Variants in LRP1 observed in about 807,000 individuals in gnomAD.
LRP1 encodes the protein prolow-density lipoprotein receptor-related protein 1.
In LRP1, 51 loss-of-function variants were observed where a neutral mutation model predicts 541.5. The ratio of observed to expected loss-of-function variants is 0.09; its 90% CI spans 0.08 to 0.12. LRP1 has a LOEUF of 0.12. Among genes scored for constraint, LRP1 ranks in the 10% least tolerant of loss-of-function variants. The probability of loss-of-function intolerance (pLI) is 1.00; values close to 1 mark genes in which losing one functional copy is unlikely to be tolerated. For missense variants in LRP1, 3,878 were observed against 6,376.2 expected (o/e 0.61, Z 13.34); for synonymous variants, 2,219 against 2,470.8 (o/e 0.90, Z 3.02).
In LRP1 at chr12:57,173,040, G is replaced by A. The variant is rs1592630291; in HGVS notation, c.3164-128G>A. ...TTCCAAGGAGTGTCAGCAAAGCTTG[G>A]CAGACTCTCCAGGCCTGCCTCTGCT... On this transcript the variant is annotated intron_variant, in intron 20 of 88. Transcript: ENST00000243077. The surrounding 1 kb of genome is among the most constrained non-coding windows in gnomAD (Gnocchi z 4.7). 2 of 702,014 alleles carry A rather than the reference G, an allele frequency of 2.8e-6. No homozygotes were observed. The highest frequency in any genetic ancestry group is 4.6e-6 in the Non-Finnish European group (2 of 434,094). 43.5% of individuals were successfully genotyped at this position (702,014 alleles called of 1,614,324 possible).
In LRP1 at chr12:57,184,402, C is replaced by T; in HGVS notation, c.6136C>T (p.Leu2046=). The T allele has an allele frequency of 6.2e-7, 1 of 1,614,244 alleles. No individual in the cohort carries two copies. The highest frequency in any genetic ancestry group is 8.5e-7 in the Non-Finnish European group (1 of 1,180,040). The change falls in exon 38 of 89, where the codon CTG becomes TTG. Residue 2046 remains leucine, a synonymous_variant. Transcript: ENST00000243077. This position sits in a 1 kb window ranked among gnomAD's most constrained non-coding sequence, Gnocchi z 7.8. ...SRLDGTERVV[L]VNVSISWPNG... is the part of the protein sequence containing the mutation. ...GCTAGATGGCACGGAGCGTGTGGTG[C>T]TGGTCAACGTCAGCATCAGCTGGCC... is the stretch of plus-strand genomic sequence containing the variant.
chr12:57,207,430 G>C (rs1258795342), intron 76 of LRP1, among the ~76,000 whole-genome samples: 1 of 151,920 alleles, frequency 6.6e-6, no homozygotes, highest in African/African-American at 2.4e-5. Flanking sequence ...AACCCAGAAG[G>C]TGGAAGTTGC....
chr12:57,206,457 C>CCAG lies in LRP1; in HGVS notation c.11591-15_11591-14insAGC. On this transcript the variant is annotated splice_polypyrimidine_tract_variant and intron_variant, in intron 75 of 88. Coordinates refer to ENST00000243077, the MANE Select transcript of LRP1 (RefSeq NM_002332.3). This position sits in a 1 kb window ranked among gnomAD's most constrained non-coding sequence, Gnocchi z 4.7. ...CTGCATCCCACAGCCCCAGCCCTGG[C>CCAG]CTCTTGCTTCTCCAGGCTCTGAGTA... 6.2e-7 allele frequency: 1 copy of CCAG among 1,613,082 alleles called. No homozygotes were observed. Among genetic ancestry groups the CCAG allele is most frequent in the Non-Finnish European group, 8.5e-7 (1 of 1,179,496 alleles).
intron 50 of LRP1, 94 bp downstream of exon 50, chr12:57,194,793 C>A: frequency 6.9e-7 from 1 of 1,446,428 alleles, no homozygotes; most frequent in Non-Finnish European, 9.3e-7. Flanking sequence ...AAAAGGGCAT[C>A]CAGAGCCTTC....
chr12:57,199,452 C>G, intron 61 of LRP1, 52 bp downstream of exon 61: 1 of 1,562,582 alleles, frequency 6.4e-7, no homozygotes, highest in Non-Finnish European at 8.7e-7. Flanking sequence ...GCACCGGGGT[C>G]CCTGGGAGTT....
intron 46 of LRP1, 61 bp from the exon 47 acceptor site, chr12:57,193,505 C>A: frequency 6.3e-7 from 1 of 1,589,022 alleles, no homozygotes; most frequent in South Asian, 1.1e-5. Context: ...CATGACGTCT[C>A]AGGGAGGCAG....
Position 57,178,797 on chromosome 12 carries a change from G to C in LRP1, c.4607-93G>C. The C allele has an allele frequency of 2.0e-6, 3 of 1,532,588 alleles. No homozygotes were observed. The highest frequency in any genetic ancestry group is 2.6e-6 in the Non-Finnish European group (3 of 1,138,866). The allele number at this position is 1,532,588 out of a possible 1,614,324, so 94.9% of individuals were successfully genotyped here. ...CTAGTAGTAGCGGCTGCTGGAACAG[G>C]GGGAGGAGAGTGGGCGAGGAAGGGG... On this transcript the variant is annotated intron_variant, in intron 27 of 88. Coordinates refer to ENST00000243077, the MANE Select transcript of LRP1 (RefSeq NM_002332.3). This position sits in a 1 kb window ranked among gnomAD's most constrained non-coding sequence, Gnocchi z 5.8.
chr12:57,180,692 G>T lies in LRP1; in HGVS notation c.5412G>T (p.Gln1804His). 1 of 1,614,064 alleles carries T rather than the reference G, an allele frequency of 6.2e-7. No homozygotes were observed. Among genetic ancestry groups the T allele is most frequent in the African/African-American group, 1.3e-5 (1 of 75,062 alleles). Residue 1804 changes from glutamine to histidine, a missense_variant, in exon 33 of 89, where the codon CAG becomes CAT. Physicochemically the swap from Gln to His is conservative, Grantham distance 24 (BLOSUM62 0). Around this residue, in one of 13 missense-constraint regions of LRP1, gnomAD observed 394 missense variants for 635.9 expected, o/e 0.62. Coordinates refer to ENST00000243077, the MANE Select transcript of LRP1 (RefSeq NM_002332.3). ...IMGDKLWWADQVSEKMGTCSK... is the reference protein window; with the variant it reads ...IMGDKLWWADHVSEKMGTCSK... Reference sequence around the variant, plus strand: ...GGGACAAGCTGTGGTGGGCTGATCAGGTGTCGGAAAAGATGGGCACATGCA... The same window carrying T: ...GGGACAAGCTGTGGTGGGCTGATCATGTGTCGGAAAAGATGGGCACATGCA...
At position 57,183,263 on chromosome 12, in the gene LRP1, A is replaced by T; in HGVS notation, c.5663-116A>T. 8.6e-7 allele frequency: 1 copy of T among 1,164,696 alleles called. No homozygotes were observed. The highest frequency in any genetic ancestry group is 1.4e-5 in the South Asian group (1 of 70,056). The allele number at this position is 1,164,696 out of a possible 1,614,324, so 72.1% of individuals were successfully genotyped here. ...TGTGTGTGCTGGGTGGAGGATAGGG[A>T]TGATGGTGGGGGGGGATGATATCAA... On this transcript the variant is annotated intron_variant, in intron 34 of 88. Transcript: ENST00000243077. The surrounding 1 kb of genome is among the most constrained non-coding windows in gnomAD (Gnocchi z 6.1).
In LRP1 at chr12:57,199,916, G is replaced by A; in HGVS notation, c.9905G>A (p.Ser3302Asn). 1 of 1,595,912 alleles carries A rather than the reference G, an allele frequency of 6.3e-7. No homozygotes were observed. The highest frequency in any genetic ancestry group is 8.5e-7 in the Non-Finnish European group (1 of 1,173,528). Reference protein sequence around the residue: ...HPCKVNNGGCSNLCLLSPGGG... With the variant: ...HPCKVNNGGCNNLCLLSPGGG... ...TGCAAGGTCAACAATGGTGGCTGCA[G>A]CAACCTGTGCCTGCTGTCCCCCGGG... Residue 3302 changes from serine (S) to asparagine (N), a missense_variant, in exon 62 of 89, where the codon AGC becomes AAC. By Grantham distance (46) the Ser-to-Asn change is conservative. Transcript: ENST00000243077.
chr12:57,138,614 C>T (rs1466859776), intron 2 of LRP1, 33 bp downstream of exon 2: 3 of 1,610,516 alleles, frequency 1.9e-6, no homozygotes. Context: ...TCTCCCCAAA[C>T]CCTTAACTTA....
intron 31 of LRP1, 66 bp downstream of exon 31, chr12:57,180,207 G>T: frequency 6.3e-7 from 1 of 1,581,094 alleles, no homozygotes; most frequent in Non-Finnish European, 8.7e-7. Context: ...TGCTTGCAGG[G>T]TCCTTCAGTT....
chr12:57,155,993 G>T lies in LRP1; in HGVS notation c.1228-101G>T, dbSNP rs1025117439. ...ATTAAAAACTACAGGATGAATTGGG[G>T]AATGCAGGTCATGAAGTCTGGAGGA... is the stretch of plus-strand genomic sequence containing the variant. On this transcript the variant is annotated intron_variant, in intron 8 of 88. Coordinates refer to ENST00000243077, the MANE Select transcript of LRP1 (RefSeq NM_002332.3). 1.6e-5 allele frequency: 14 copies of T among 856,764 alleles called. No homozygotes were observed. The African/African-American group carries it at 2.0e-4, about 13-fold the overall frequency. 53.1% of individuals were successfully genotyped at this position (856,764 alleles called of 1,614,324 possible).
At chr12:57,167,400 T>G in intron 18 of LRP1, 44 bp from the exon 19 acceptor site, 2 of 1,352,624 alleles carry the variant, frequency 1.5e-6, no homozygotes, top group Non-Finnish European at 2.1e-6. Flanking sequence ...TGTGATGCTG[T>G]GTAATCGTGA....
intron 41 of LRP1, among the ~76,000 whole-genome samples, chr12:57,187,026 G>T (rs1185612273): frequency 6.6e-6 from 1 of 152,218 alleles, no homozygotes; most frequent in South Asian, 2.1e-4. Flanking sequence ...AAGCCCGATT[G>T]CCCTCAGTGG....
chr12:57,138,737 C>A (rs971637724), intron 2 of LRP1, among the ~76,000 whole-genome samples, 156 bp downstream of exon 2: 5 of 152,168 alleles, frequency 3.3e-5, no homozygotes, highest in African/African-American at 4.8e-5. Flanking sequence ...TCCTTTACAC[C>A]CCTTCAAAAT....
Position 57,205,841 on chromosome 12 carries a change from G to C in LRP1, c.11590+164G>C, listed in dbSNP as rs1431402174. ...CTGAGCACAGTGCTGGCCCAGCAGT[G>C]GGGGCAGGTCCTGGGGCTGGCTGAC... is the stretch of plus-strand genomic sequence containing the variant. On this transcript the variant is annotated intron_variant, in intron 75 of 88. Coordinates refer to ENST00000243077, the MANE Select transcript of LRP1 (RefSeq NM_002332.3). The surrounding 1 kb of genome is among the most constrained non-coding windows in gnomAD (Gnocchi z 4.6). 4.6e-6 allele frequency: 5 copies of C among 1,094,738 alleles called. No individual in the cohort carries two copies. Among genetic ancestry groups the C allele is most frequent in the Admixed American group, 2.6e-5 (1 of 37,880 alleles). The allele number at this position is 1,094,738 out of a possible 1,614,324, so 67.8% of individuals were successfully genotyped here. A position where few individuals can be genotyped will look rare whatever the true frequency, so the allele number is the denominator to read the frequency against.
chr12:57,211,707 T>C lies in LRP1; in HGVS notation c.13194-43T>C, dbSNP rs1367187506. The C allele has an allele frequency of 1.0e-5, 16 of 1,578,052 alleles. No individual in the cohort carries two copies. Among genetic ancestry groups the C allele is most frequent in the Non-Finnish European group, 1.4e-5 (16 of 1,148,880 alleles). On this transcript the variant is annotated intron_variant, in intron 85 of 88. Coordinates refer to ENST00000243077, the MANE Select transcript of LRP1 (RefSeq NM_002332.3). The surrounding 1 kb of genome is among the most constrained non-coding windows in gnomAD (Gnocchi z 4.3). ...GCCCTGTTTTCCTGGCAGCAGTGGC[T>C]ATGGAGGTTATACCTACTCAGCCGT...
Position 57,162,463 on chromosome 12 carries a change from C to T in LRP1, c.2349C>T (p.Arg783=), listed in dbSNP as rs1420138083. 12 of 1,614,172 alleles carry T rather than the reference C, an allele frequency of 7.4e-6. No individual in the cohort carries two copies. The South Asian group carries it at 7.7e-5, about 10-fold the overall frequency. ...CACCCCCCACTGTGACCCTTCTGCG[C>T]AGTGAGCGGCCCCCCATCTTTGAGA... ...GGAPPTVTLL[R]SERPPIFEIR... is the part of the protein sequence containing the mutation. Residue 783 remains arginine (R), a synonymous_variant, in exon 14 of 89, where the codon CGC becomes CGT. Coordinates refer to ENST00000243077, the MANE Select transcript of LRP1 (RefSeq NM_002332.3). The surrounding 1 kb of genome is among the most constrained non-coding windows in gnomAD (Gnocchi z 5.2).
Sources: allele counts gnomAD v4.1 joint callset (sites outside exome capture counted in the v4.1 genomes callset), GRCh38; gene constraint gnomAD v4.1.1; regional missense constraint gnomAD v4.1.1; non-coding constraint Gnocchi (gnomAD v3.1); transcripts MANE v1.5; gene names NCBI Gene and HGNC (gene_info 2026-07-23, HGNC 2026-07-21).